TENM2: variants seen among roughly 807,000 people sequenced by gnomAD.
TENM2 encodes the protein teneurin-2.
Under a neutral mutation model 245.2 loss-of-function variants are expected in TENM2, and 52 were observed. That is an observed-to-expected ratio of 0.21 (90% CI 0.17 to 0.27). The LOEUF is 0.27. Ranked by LOEUF, TENM2 falls within the 10% of genes least tolerant of loss-of-function variation. TENM2 has a pLI of 1.00. For missense variants in TENM2, 3,046 were observed against 3,666.8 expected (o/e 0.83, Z 4.37); for synonymous variants, 1,363 against 1,438.9 (o/e 0.95, Z 1.19).
At chr5:168,129,657 A>G (rs191841350) in intron 12 of TENM2, 1 of 152,366 alleles carries the variant, frequency 6.6e-6, no homozygotes, top group Non-Finnish European at 1.5e-5. Context: ...ATGTTCATAC[A>G]TGCATAATTG....
At chr5:167,212,098 C>T in the TENM2 span, among the ~76,000 whole-genome samples, 5 of 152,218 alleles carry the variant, frequency 3.3e-5, no homozygotes, top group South Asian at 6.2e-4. Context: ...GATTCAAACA[C>T]GGTAGAGAAG....
chr5:167,580,324 G>A (rs1490360138), intron 2 of TENM2, among the ~76,000 whole-genome samples: 2 of 152,120 alleles, frequency 1.3e-5, no homozygotes, highest in Non-Finnish European at 2.9e-5. Flanking sequence ...CACTAAAGTC[G>A]ACTGGATAAA....
At chr5:167,587,590 A>G (rs1487634362) in intron 2 of TENM2, among the ~76,000 whole-genome samples, 1 of 152,156 alleles carries the variant, frequency 6.6e-6, no homozygotes, top group Admixed American at 6.6e-5. Flanking sequence ...GAAGAATTGG[A>G]AAAGATTTCA....
intron 13 of TENM2, among the ~76,000 whole-genome samples, chr5:168,175,056 A>C (rs1420854806): frequency 6.6e-6 from 1 of 152,198 alleles, no homozygotes; most frequent in Non-Finnish European, 1.5e-5. Flanking sequence ...AGACGGACCT[A>C]GCTGTACATT....
At chr5:167,540,027 T>C (rs1200050986) in intron 2 of TENM2, among the ~76,000 whole-genome samples, 1 of 152,222 alleles carries the variant, frequency 6.6e-6, no homozygotes, top group Admixed American at 6.5e-5. Flanking sequence ...AGTGCCACTT[T>C]AGGTGCATTT....
intron 2 of TENM2, among the ~76,000 whole-genome samples, chr5:167,528,291 C>T (rs973900375): frequency 1.3e-5 from 2 of 152,016 alleles, no homozygotes; most frequent in Admixed American, 1.3e-4. Context: ...TGTGAGATTT[C>T]TTGGGCTAGG....
intron 2 of TENM2, among the ~76,000 whole-genome samples, chr5:167,860,095 G>A (rs1161414064): frequency 6.1e-5 from 4 of 65,762 alleles, no homozygotes; most frequent in East Asian, 5.4e-4. Flanking sequence ...CAGCCGCCCC[G>A]TCCGGGAGGT....
chr5:167,466,370 T>C (rs1009649029), intron 2 of TENM2, among the ~76,000 whole-genome samples: 1 of 152,198 alleles, frequency 6.6e-6, no homozygotes, highest in African/African-American at 2.4e-5. Context: ...GTCATACCTA[T>C]AGCTAACCTC....
At chr5:167,930,626 C>T (rs1458897494) in intron 3 of TENM2, among the ~76,000 whole-genome samples, 1 of 152,024 alleles carries the variant, frequency 6.6e-6, no homozygotes, top group East Asian at 1.9e-4. Context: ...AGGTGCATGC[C>T]ACTATGCCAG....
chr5:168,077,893 T>A (rs775214788), intron 7 of TENM2, among the ~76,000 whole-genome samples: 1 of 152,190 alleles, frequency 6.6e-6, no homozygotes, highest in Non-Finnish European at 1.5e-5. Flanking sequence ...GTCATACATG[T>A]GCATGTGTCT....
chr5:168,233,783 TC>T (rs761229921), intron 25 of TENM2, among the ~76,000 whole-genome samples: 5 of 152,148 alleles, frequency 3.3e-5, no homozygotes, highest in Admixed American at 6.5e-5. Context: ...TGGGGAGGCC[TC>T]AGAATCATGG....
chr5:167,298,836 T>C (rs1367132275), intron 1 of TENM2, among the ~76,000 whole-genome samples: 1 of 152,186 alleles, frequency 6.6e-6, no homozygotes, highest in Non-Finnish European at 1.5e-5. Flanking sequence ...AGAAACAGTG[T>C]AAACTGGCAG....
At chr5:167,160,099 A>C in the TENM2 span, among the ~76,000 whole-genome samples, 252 of 152,328 alleles carry the variant, frequency 1.7e-3, no homozygotes, top group Non-Finnish European at 2.0e-3. Context: ...CTGTTTTCCA[A>C]GTTTTGACAC....
At chr5:167,226,252 A>T in the TENM2 span, among the ~76,000 whole-genome samples, 1 of 146,522 alleles carries the variant, frequency 6.8e-6, no homozygotes, top group Non-Finnish European at 1.5e-5. Context: ...TTACATTTTA[A>T]ATTTGCAATA....
chr5:167,133,618 GA>G, the TENM2 span, among the ~76,000 whole-genome samples: 56 of 139,100 alleles, frequency 4.0e-4, no homozygotes, highest in African/African-American at 1.2e-3. Flanking sequence ...CTCAAACTTG[GA>G]AAAAAAAAAA....
the TENM2 span, among the ~76,000 whole-genome samples, chr5:167,176,212 T>C: frequency 1.3e-5 from 2 of 152,264 alleles, no homozygotes; most frequent in African/African-American, 4.8e-5. Context: ...CTTGACATTC[T>C]CACCCAACCC....
the TENM2 span, among the ~76,000 whole-genome samples, chr5:167,273,657 C>T: frequency 6.6e-6 from 1 of 151,996 alleles, no homozygotes; most frequent in Non-Finnish European, 1.5e-5. Context: ...TTCTAGGAGC[C>T]ACCAAAGTGT....
chr5:167,439,910 T>C (rs1391522882), intron 2 of TENM2, among the ~76,000 whole-genome samples: 1 of 152,208 alleles, frequency 6.6e-6, no homozygotes, highest in African/African-American at 2.4e-5. Context: ...TAATATTTTA[T>C]CTATATTGCA....
At chr5:167,011,059 A>G in the TENM2 span, among the ~76,000 whole-genome samples, 1 of 152,350 alleles carries the variant, frequency 6.6e-6, no homozygotes, top group East Asian at 1.9e-4. Flanking sequence ...AACAAAGTGA[A>G]CATCCAAAAA....
Sources: gnomAD v4.1 joint callset for allele counts (sites outside exome capture counted in the v4.1 genomes callset) on GRCh38, gnomAD v4.1.1 for gene constraint, MANE v1.5 for transcripts, NCBI Gene and HGNC (gene_info 2026-07-23, HGNC 2026-07-21) for gene names.